NTRK2: variants seen among roughly 807,000 people sequenced by gnomAD.
The protein encoded by NTRK2 is neurotrophic receptor tyrosine kinase 2.
A neutral mutation model predicts 94.5 loss-of-function variants in NTRK2; 13 were observed. The ratio of observed to expected loss-of-function variants is 0.14; its 90% confidence interval spans 0.09 to 0.22. The LOEUF (loss-of-function observed/expected upper bound fraction) is 0.22. Among genes scored for constraint, NTRK2 ranks in the 10% least tolerant of loss-of-function variants. NTRK2 has a pLI of 1.00. For missense variants in NTRK2, 639 were observed against 1,071.2 expected, an observed-to-expected ratio of 0.60 and a Z score of 5.63; for synonymous variants, 372 against 407.4, an observed-to-expected ratio of 0.91 and a Z score of 1.05.
chr9:84,731,407 G>A (rs2062882229), intron 9 of NTRK2, among the ~76,000 whole-genome samples: 1 of 152,164 alleles, frequency 6.6e-6, no homozygotes, highest in African/African-American at 2.4e-5. Context: ...CTGCACTCCA[G>A]CCTGGGTGAC....
chr9:84,873,734 A>G, intron 14 of NTRK2: 2 of 1,056,652 alleles, frequency 1.9e-6, no homozygotes, highest in Non-Finnish European at 2.3e-6. Flanking sequence ...ACAGTGAAGT[A>G]AAATCATGTT....
intron 6 of NTRK2, among the ~76,000 whole-genome samples, chr9:84,712,003 T>C (rs1199325046): frequency 2.6e-5 from 4 of 152,218 alleles, no homozygotes; most frequent in Non-Finnish European, 5.9e-5. Context: ...CTGTTCTCTG[T>C]TCTGGTGCAA....
At chr9:84,706,130 T>C (rs1005191488) in intron 4 of NTRK2, among the ~76,000 whole-genome samples, 3 of 152,172 alleles carry the variant, frequency 2.0e-5, no homozygotes, top group Non-Finnish European at 2.9e-5. Context: ...AAGAGACCTA[T>C]GTGGGCACAT....
At chr9:84,842,771 G>A (rs939412520) in intron 12 of NTRK2, among the ~76,000 whole-genome samples, 17 of 152,174 alleles carry the variant, frequency 1.1e-4, no homozygotes, top group Admixed American at 8.5e-4. Flanking sequence ...CATTTGGAGA[G>A]AACTAGATCT....
chr9:84,986,726 G>A lies in NTRK2; in HGVS notation c.2172+31209G>A, dbSNP rs180767494. On this transcript the variant is annotated intron_variant, in intron 17 of 18. Coordinates refer to ENST00000277120, the MANE Select transcript of NTRK2 (RefSeq NM_006180.6). Reference sequence around the variant, plus strand: ...GATATAGTGAACCTGATGAATTACTGGAGAGAATGGACAAGAAAGGTCTAG... The same window carrying A: ...GATATAGTGAACCTGATGAATTACTAGAGAGAATGGACAAGAAAGGTCTAG... Among the ~76,000 whole-genome samples, 208 of 152,370 alleles carry A rather than the reference G, an allele frequency of 1.4e-3. 1 individual carries two copies. The highest frequency in any genetic ancestry group is 6.7e-3 in the Admixed American group (102 of 15,302).
At chr9:84,981,304 G>A (rs965126891) in intron 17 of NTRK2, among the ~76,000 whole-genome samples, 1 of 151,544 alleles carries the variant, frequency 6.6e-6, no homozygotes, top group African/African-American at 2.4e-5. Context: ...TTTTTGCCAT[G>A]TTGGCCAGGC....
At chr9:84,887,737 C>T (rs895739128) in intron 14 of NTRK2, among the ~76,000 whole-genome samples, 4 of 152,108 alleles carry the variant, frequency 2.6e-5, no homozygotes, top group South Asian at 2.1e-4. Context: ...GCAGGACCAG[C>T]GGCATCCATT....
chr9:84,877,497 T>G (rs2076110459), intron 14 of NTRK2: 1 of 1,066,134 alleles, frequency 9.4e-7, no homozygotes, highest in Admixed American at 5.3e-5. Flanking sequence ...ATTACTGTGA[T>G]TCTCTCTGTA....
intron 2 of NTRK2, among the ~76,000 whole-genome samples, chr9:84,681,451 C>G (rs572657005): frequency 6.6e-6 from 1 of 152,250 alleles, no homozygotes; most frequent in South Asian, 2.1e-4. Flanking sequence ...TTCAATCATT[C>G]TTTCAACAAA....
chr9:84,793,054 C>T (rs968942067), intron 12 of NTRK2, among the ~76,000 whole-genome samples: 2 of 152,074 alleles, frequency 1.3e-5, no homozygotes, highest in African/African-American at 2.4e-5. Context: ...GTGTACAGAG[C>T]GTGCACAGTT....
intron 17 of NTRK2, among the ~76,000 whole-genome samples, chr9:84,987,437 G>C (rs1018529510): frequency 2.6e-5 from 4 of 152,124 alleles, no homozygotes; most frequent in African/African-American, 4.8e-5. Context: ...GAAAATCAGA[G>C]AATAAATATT....
chr9:84,950,213 A>C (rs565216418), intron 16 of NTRK2, among the ~76,000 whole-genome samples: 3 of 152,222 alleles, frequency 2.0e-5, no homozygotes, highest in Non-Finnish European at 4.4e-5. Context: ...CAGCTGGTAA[A>C]CCAGCTGCCT....
At chr9:84,923,382 A>G (rs997615812) in intron 14 of NTRK2, among the ~76,000 whole-genome samples, 16 of 152,186 alleles carry the variant, frequency 1.1e-4, no homozygotes, top group African/African-American at 3.6e-4. Context: ...TGTCATTGAT[A>G]TATTTCTCTT....
At chr9:84,884,021 G>A (rs1021893158) in intron 14 of NTRK2, among the ~76,000 whole-genome samples, 1 of 152,108 alleles carries the variant, frequency 6.6e-6, no homozygotes, top group Non-Finnish European at 1.5e-5. Flanking sequence ...AGTTTCTTTT[G>A]GAATTTCATT....
chr9:84,987,492 T>C (rs552543044), intron 17 of NTRK2, among the ~76,000 whole-genome samples: 1 of 152,334 alleles, frequency 6.6e-6, no homozygotes, highest in South Asian at 2.1e-4. Context: ...CTTTTCCTTT[T>C]CTTTATATTT....
intron 17 of NTRK2, among the ~76,000 whole-genome samples, chr9:84,998,732 C>T (rs1303590930): frequency 2.6e-5 from 4 of 152,192 alleles, no homozygotes; most frequent in South Asian, 4.1e-4. Flanking sequence ...CTCGCCCACC[C>T]ACCTGCCAAC....
chr9:84,683,801 C>T (rs2059541105), intron 2 of NTRK2, among the ~76,000 whole-genome samples: 1 of 152,216 alleles, frequency 6.6e-6, no homozygotes, highest in Admixed American at 6.5e-5. Flanking sequence ...TTTACACTCG[C>T]ACCCACAGTG....
intron 12 of NTRK2, among the ~76,000 whole-genome samples, chr9:84,835,733 A>G (rs886130599): frequency 3.3e-5 from 5 of 152,210 alleles, no homozygotes. Context: ...AAGCCAGCTG[A>G]TGGAAAACTA....
chr9:84,798,724 T>C (rs903067686), intron 12 of NTRK2, among the ~76,000 whole-genome samples: 3 of 152,144 alleles, frequency 2.0e-5, no homozygotes, highest in Admixed American at 1.3e-4. Context: ...ACCTGAATTG[T>C]CTTTTCCGTT....
Sources: allele counts gnomAD v4.1 joint callset (sites outside exome capture counted in the v4.1 genomes callset), GRCh38; gene constraint gnomAD v4.1.1; transcripts MANE v1.5; gene names NCBI Gene and HGNC (gene_info 2026-07-23, HGNC 2026-07-21).